Variants in FRAS1 observed in about 807,000 individuals in gnomAD.
FRAS1 encodes extracellular matrix organizing protein FRAS1.
A neutral mutation model predicts 435.2 loss-of-function variants in FRAS1; 290 were observed. The ratio of observed to expected loss-of-function variants is 0.67; its 90% CI spans 0.61 to 0.73. FRAS1 has a LOEUF of 0.73. Among genes scored for constraint, FRAS1 ranks in the 30% least tolerant of loss-of-function variants. The probability of loss-of-function intolerance (pLI) is 0.00; values close to 1 mark genes in which losing one functional copy is unlikely to be tolerated. For synonymous variants in FRAS1, 1,800 were observed against 1,851.0 expected (o/e 0.97, Z 0.71); for missense variants, 4,860 against 5,001.5 (o/e 0.97, Z 0.85).
chr4:78,285,098 C>T (rs572018962), intron 13 of FRAS1, among the ~76,000 whole-genome samples: 71 of 152,260 alleles, frequency 4.7e-4, no homozygotes, highest in Non-Finnish European at 6.9e-4. Flanking sequence ...TTTCTGGATG[C>T]TACATCTGAG....
chr4:78,278,103 T>C (rs1727153624), intron 9 of FRAS1, among the ~76,000 whole-genome samples: 1 of 152,236 alleles, frequency 6.6e-6, no homozygotes, highest in Non-Finnish European at 1.5e-5. Context: ...CTGGCCATCC[T>C]CTTATTATTT....
chr4:78,121,980 CT>C (rs936105768), intron 2 of FRAS1, among the ~76,000 whole-genome samples: 15 of 151,922 alleles, frequency 9.9e-5, no homozygotes, highest in Admixed American at 4.6e-4. Context: ...TTTATGGCAA[CT>C]TTTTTTTGTA....
At chr4:78,099,184 C>T (rs1741980311) in intron 2 of FRAS1, among the ~76,000 whole-genome samples, 1 of 152,208 alleles carries the variant, frequency 6.6e-6, no homozygotes. Flanking sequence ...AGCTGGTGGC[C>T]TGTGCATCTG....
Position 78,387,598 on chromosome 4 carries a change from A to G in FRAS1, c.3872A>G (p.Tyr1291Cys). 1 of 1,613,628 alleles carries G rather than the reference A, an allele frequency of 6.2e-7. No homozygotes were observed. The highest frequency in any genetic ancestry group is 8.5e-7 in the Non-Finnish European group (1 of 1,179,688). The change falls in exon 29 of 74, where the codon TAT (tyrosine) becomes TGT (cysteine). Residue 1291 changes from tyrosine (Y) to cysteine (C), a missense_variant. Transcript: ENST00000512123. ...LDELSRGLLHYAHDGSDSTSD... is the reference protein window; with the variant it reads ...LDELSRGLLHCAHDGSDSTSD... ...GAACTCTCTAGAGGCCTTCTCCACT[A>G]TGCTCATGATGGTTCAGACAGCACA...
At chr4:78,337,892 G>A in intron 20 of FRAS1, 75 bp downstream of exon 20, 3 of 1,471,744 alleles carry the variant, frequency 2.0e-6, no homozygotes, top group East Asian at 2.3e-5. Context: ...GCTTAAGGGG[G>A]CTCTTTGTCC....
chr4:78,255,775 C>T (rs1725763524), intron 6 of FRAS1, among the ~76,000 whole-genome samples: 1 of 152,098 alleles, frequency 6.6e-6, no homozygotes, highest in Non-Finnish European at 1.5e-5. Context: ...ACATGATTAT[C>T]CAGATGTACA....
chr4:78,214,560 A>G (rs146824125), intron 2 of FRAS1, among the ~76,000 whole-genome samples: 1 of 152,206 alleles, frequency 6.6e-6, no homozygotes, highest in South Asian at 2.1e-4. Flanking sequence ...AACATCCTAC[A>G]TACATCTTGA....
At chr4:78,072,188 C>T (rs1560507527) in intron 2 of FRAS1, 1 of 151,956 alleles carries the variant, frequency 6.6e-6, no homozygotes, top group Non-Finnish European at 1.5e-5. Flanking sequence ...TATATTAGAG[C>T]AGAAAAAGAT....
chr4:78,384,216 G>A (rs564632142), intron 28 of FRAS1, 73 bp downstream of exon 28: 138 of 1,072,776 alleles, frequency 1.3e-4, no homozygotes, highest in African/African-American at 2.1e-4. Context: ...TAGGTTTCCT[G>A]TGGATTTAAT....
At chr4:78,502,352 C>T (rs941899630) in intron 61 of FRAS1, among the ~76,000 whole-genome samples, 14 of 152,172 alleles carry the variant, frequency 9.2e-5, no homozygotes, top group African/African-American at 2.4e-4. Context: ...TCTCCGTAAG[C>T]GTGGAATGTT....
intron 2 of FRAS1, among the ~76,000 whole-genome samples, chr4:78,069,881 AAG>A (rs575367057): frequency 1.2e-3 from 186 of 152,252 alleles, no homozygotes; most frequent in African/African-American, 4.3e-3. Flanking sequence ...CCTAGTGGAA[AAG>A]AGAGTTCAAA....
chr4:78,461,609 G>A (rs996930559), intron 47 of FRAS1, among the ~76,000 whole-genome samples: 6 of 152,242 alleles, frequency 3.9e-5, no homozygotes, highest in Middle Eastern at 3.4e-3. Flanking sequence ...TGGGAAAGTC[G>A]CACTAAGATC....
chr4:78,371,083 G>GGTTTTTTTTTTTTT (rs1456015210), intron 23 of FRAS1, among the ~76,000 whole-genome samples: 2 of 127,400 alleles, frequency 1.6e-5, no homozygotes, highest in Non-Finnish European at 1.6e-5. Flanking sequence ...TTTTTTTTCT[G>GGTTTTTTTTTTTTT]TTTTTTTGTT....
At chr4:78,464,668 A>G in intron 49 of FRAS1, 85 bp downstream of exon 49, 1 of 1,466,340 alleles carries the variant, frequency 6.8e-7, no homozygotes, top group East Asian at 2.3e-5. Flanking sequence ...GTGCATCCTG[A>G]TGGTAGGGAG....
At chr4:78,145,336 A>G (rs1364890867) in intron 2 of FRAS1, among the ~76,000 whole-genome samples, 2 of 152,160 alleles carry the variant, frequency 1.3e-5, no homozygotes, top group African/African-American at 4.8e-5. Flanking sequence ...TTAATTTCTA[A>G]GATGTTTTCA....
intron 14 of FRAS1, among the ~76,000 whole-genome samples, chr4:78,307,549 A>G (rs561677406): frequency 4.1e-4 from 63 of 152,284 alleles, no homozygotes; most frequent in Middle Eastern, 3.4e-3. Context: ...GCCGGATTTA[A>G]TCTCCTGGTG....
chr4:78,070,711 C>T (rs887439776), intron 2 of FRAS1: 21 of 152,326 alleles, frequency 1.4e-4, no homozygotes, highest in African/African-American at 4.8e-4. Flanking sequence ...AAAGTTTTCA[C>T]ACACCTTCTG....
intron 6 of FRAS1, among the ~76,000 whole-genome samples, chr4:78,256,624 A>G (rs926630600): frequency 6.6e-6 from 1 of 152,244 alleles, no homozygotes; most frequent in Non-Finnish European, 1.5e-5. Context: ...ACTGTTTCTC[A>G]TATTTAAAAT....
chr4:78,508,704 A>G (rs1720927474), intron 62 of FRAS1, 27 bp from the exon 63 acceptor site: 8 of 1,613,064 alleles, frequency 5.0e-6, no homozygotes, highest in Non-Finnish European at 6.8e-6. Context: ...ACCCAACCTG[A>G]ACTGAAGCTT....
Sources: gnomAD v4.1 joint callset for allele counts (sites outside exome capture counted in the v4.1 genomes callset) on GRCh38, gnomAD v4.1.1 for gene constraint, MANE v1.5 for transcripts, NCBI Gene and HGNC (gene_info 2026-07-23, HGNC 2026-07-21) for gene names.